The following WASHC3 variants were observed in gnomAD, a reference collection of about 807,000 sequenced individuals.
WASHC3 encodes WASH complex subunit CCDC53.
WASHC3 carries 24 observed loss-of-function variants against 26.1 expected under a neutral mutation model. The observed-to-expected ratio is 0.92, with a 90% CI of 0.66 to 1.29. The LOEUF is 1.29. WASHC3 is among the 50% of genes most tolerant of loss of function. The pLI is 0.00. For synonymous variants in WASHC3, 77 were observed against 75.7 expected (o/e 1.02, Z -0.09); for missense variants, 214 against 229.6 (o/e 0.93, Z 0.44).
At chr12:102,061,680 C>T (rs374234215) in intron 1 of WASHC3, among the ~76,000 whole-genome samples, 1 of 152,134 alleles carries the variant, frequency 6.6e-6, no homozygotes, top group Admixed American at 6.5e-5. Flanking sequence ...GAGAGACAAG[C>T]GAGATGGGAA....
chr12:102,055,530 G>C (rs1878558789), intron 2 of WASHC3, among the ~76,000 whole-genome samples: 1 of 152,166 alleles, frequency 6.6e-6, no homozygotes, highest in Non-Finnish European at 1.5e-5. Flanking sequence ...ATTTTTAGTA[G>C]AGACAGCATT....
Position 102,040,038 on chromosome 12 carries a change from C to T in WASHC3, c.325-60G>A, listed in dbSNP as rs1445849875. 4 of 642,588 alleles carry T rather than the reference C, an allele frequency of 6.2e-6. No individual in the cohort carries two copies. The East Asian group carries it at 8.8e-5, about 14-fold the overall frequency. The allele number at this position is 642,588 out of a possible 1,614,324, so 39.8% of individuals were successfully genotyped here. A position where few individuals can be genotyped will look rare whatever the true frequency, so the allele number is the denominator to read the frequency against. ...TTTACAAAAGGGGTCTATCATGTTA[C>T]TTAAAAGGAATGTTTCTTTCCATAA... On this transcript the variant is annotated intron_variant, in intron 4 of 6. Coordinates refer to ENST00000240079, the MANE Select transcript of WASHC3 (RefSeq NM_016053.4).
At chr12:102,057,588 A>G (rs1193097942) in intron 2 of WASHC3, among the ~76,000 whole-genome samples, 1 of 152,170 alleles carries the variant, frequency 6.6e-6, no homozygotes, top group Non-Finnish European at 1.5e-5. Flanking sequence ...ATATAAAATC[A>G]ACATACAAAA....
rs768467912 is a variant in WASHC3, at chr12:102,046,070, T to C, written c.200A>G (p.Asn67Ser). Residue 67 changes from asparagine (N) to serine (S), a missense_variant, in exon 3 of 7, where the codon AAT becomes AGT. Asn to Ser is a conservative substitution (Grantham distance 46). Transcript: ENST00000240079. ...AATACCAACCTTTGCATCTAAAATATTGAGAGTTGTTTCAATTTGTTGGAT... is the reference window on the plus strand; with the variant it reads ...AATACCAACCTTTGCATCTAAAATACTGAGAGTTGTTTCAATTTGTTGGAT... ...LRIQQIETTL[N>S]ILDAKLSSIP... The C allele has an allele frequency of 6.3e-7, 1 of 1,593,070 alleles. No individual in the cohort carries two copies. Among genetic ancestry groups the C allele is most frequent in the Admixed American group, 1.7e-5 (1 of 58,498 alleles).
intron 2 of WASHC3, among the ~76,000 whole-genome samples, chr12:102,060,756 G>T (rs907346896): frequency 2.0e-5 from 3 of 152,006 alleles, no homozygotes; most frequent in Middle Eastern, 3.2e-3. Flanking sequence ...AGGAATTCGA[G>T]ACCAGCTTGA....
At chr12:102,014,144 G>A (rs1253658817) in intron 6 of WASHC3, among the ~76,000 whole-genome samples, 2 of 121,978 alleles carry the variant, frequency 1.6e-5, no homozygotes, top group Non-Finnish European at 3.2e-5. Context: ...GTGCAATGGT[G>A]TGATCTCGGC....
chr12:102,058,606 A>C (rs1409682956), intron 2 of WASHC3, among the ~76,000 whole-genome samples: 1 of 152,134 alleles, frequency 6.6e-6, no homozygotes, highest in South Asian at 2.1e-4. Context: ...TGTTGGTGGG[A>C]ATGTAAATTA....
At chr12:102,034,829 C>G (rs1877588092) in intron 5 of WASHC3, among the ~76,000 whole-genome samples, 1 of 147,170 alleles carries the variant, frequency 6.8e-6, no homozygotes, top group South Asian at 2.1e-4. Context: ...TATGTAAATA[C>G]AGCAAATCTG....
chr12:102,048,466 G>A (rs1878252877), intron 2 of WASHC3: 1 of 152,236 alleles, frequency 6.6e-6, no homozygotes, highest in Admixed American at 6.5e-5. Context: ...TCAGGAGGCT[G>A]AGGCAGGAGA....
intron 5 of WASHC3, 131 bp downstream of exon 5, chr12:102,039,737 G>T: frequency 2.3e-6 from 1 of 432,556 alleles, no homozygotes. Flanking sequence ...TAGAAAGGAA[G>T]TAAGAGAATA....
intron 2 of WASHC3, chr12:102,050,375 T>C (rs1878340920): frequency 7.0e-6 from 3 of 426,536 alleles, no homozygotes; most frequent in Non-Finnish European, 1.4e-5. Flanking sequence ...TTCCAGCACT[T>C]GGGAGGCCGA....
intron 4 of WASHC3, chr12:102,043,898 T>G (rs1878046430): frequency 6.4e-6 from 2 of 313,710 alleles, no homozygotes. Context: ...CTGATTTTCT[T>G]TTTTACAGGC....
chr12:102,060,553 A>G (rs1878762150), intron 2 of WASHC3, among the ~76,000 whole-genome samples: 1 of 152,224 alleles, frequency 6.6e-6, no homozygotes, highest in Non-Finnish European at 1.5e-5. Flanking sequence ...TTTCTAGGCT[A>G]TCTCCTCTAG....
At chr12:102,019,607 T>A (rs1052196692) in intron 6 of WASHC3, among the ~76,000 whole-genome samples, 2 of 152,312 alleles carry the variant, frequency 1.3e-5, no homozygotes, top group East Asian at 1.9e-4. Context: ...GTATATTTTT[T>A]AAAAATTTCA....
At chr12:102,041,525 T>C (rs1877937319) in intron 4 of WASHC3, among the ~76,000 whole-genome samples, 1 of 152,044 alleles carries the variant, frequency 6.6e-6, no homozygotes, top group South Asian at 2.1e-4. Flanking sequence ...TACACAAACC[T>C]TGGGTCTTTG....
chr12:102,047,564 C>G (rs928500690), intron 2 of WASHC3, among the ~76,000 whole-genome samples: 4 of 152,124 alleles, frequency 2.6e-5, no homozygotes, highest in Admixed American at 6.5e-5. Flanking sequence ...GAATCCCTCT[C>G]CAAATTATAA....
rs71877323 is a variant in WASHC3 at position 102,046,304 on chromosome 12, C to CTT, written c.151-187_151-186dup. ...CGTGTATTATAATGCTTCTCAGTTT[C>CTT]TTTTTTTTTTGGGACGGAGTCTTGC... On this transcript the variant is annotated intron_variant, in intron 2 of 6. Coordinates refer to ENST00000240079, the MANE Select transcript of WASHC3 (RefSeq NM_016053.4). Among the ~76,000 whole-genome samples, 497 of 149,604 alleles carry CTT rather than the reference C, an allele frequency of 3.3e-3. 1 individual carries two copies. The highest frequency in any genetic ancestry group is 0.01 in the African/African-American group (423 of 40,928).
intron 3 of WASHC3, 69 bp from the exon 4 acceptor site, chr12:102,044,281 C>A: frequency 1.5e-6 from 1 of 680,828 alleles, no homozygotes; most frequent in Middle Eastern, 2.8e-4. Flanking sequence ...TTTTTAATAG[C>A]TGTCTTAAGT....
chr12:102,017,355 A>C (rs760674267), intron 6 of WASHC3, among the ~76,000 whole-genome samples: 1 of 152,214 alleles, frequency 6.6e-6, no homozygotes, highest in African/African-American at 2.4e-5. Flanking sequence ...GGCTGTATAT[A>C]TACAAATAAG....
Sources: allele counts gnomAD v4.1 joint callset (sites outside exome capture counted in the v4.1 genomes callset), GRCh38; gene constraint gnomAD v4.1.1; transcripts MANE v1.5; gene names NCBI Gene and HGNC (gene_info 2026-07-23, HGNC 2026-07-21).